Variants in KIF13B observed in about 807,000 individuals in gnomAD.
KIF13B encodes kinesin family member 13B.
KIF13B carries 127 observed loss-of-function variants against 222.0 expected under a neutral mutation model. That is an observed-to-expected ratio of 0.57 (90% confidence interval 0.50 to 0.66). The LOEUF (loss-of-function observed/expected upper bound fraction) is 0.66. KIF13B is among the 30% of genes least tolerant of loss of function. The pLI is 0.00. For synonymous variants in KIF13B, 976 were observed against 919.0 expected (o/e 1.06, Z -1.12); for missense variants, 2,173 against 2,379.0 (o/e 0.91, Z 1.80).
intron 10 of KIF13B, among the ~76,000 whole-genome samples, chr8:29,173,889 G>A (rs1212589301): frequency 1.3e-5 from 2 of 149,066 alleles, no homozygotes; most frequent in Non-Finnish European, 3.0e-5. Context: ...GTTGCAGTGA[G>A]CCGAGACTGC....
chr8:29,246,329 A>G (rs1413891285), intron 1 of KIF13B, among the ~76,000 whole-genome samples: 1 of 151,874 alleles, frequency 6.6e-6, no homozygotes, highest in Non-Finnish European at 1.5e-5. Context: ...GTGAGCTGAG[A>G]TCGTGCCACT....
Position 29,262,963 on chromosome 8 carries a change from G to A in KIF13B, c.55+17C>T, listed in dbSNP as rs999318830. On this transcript the variant is annotated intron_variant, in intron 1 of 39. Transcript: ENST00000524189. ...TGCCGCCTCCGCCCCGGCGGCCCAG[G>A]AGGGCTCGGCTCTCACCTCGCCGGT... 2 of 1,579,406 alleles carry A rather than the reference G, an allele frequency of 1.3e-6. No individual in the cohort carries two copies. The highest frequency in any genetic ancestry group is 1.7e-6 in the Non-Finnish European group (2 of 1,165,422).
chr8:29,258,771 G>A (rs1174785801), intron 1 of KIF13B, among the ~76,000 whole-genome samples: 1 of 152,048 alleles, frequency 6.6e-6, no homozygotes, highest in African/African-American at 2.4e-5. Context: ...AACTCCTCTC[G>A]ATTCCCTTAT....
At chr8:29,263,108 G>C (rs868232493), upstream of KIF13B, 2 of 1,449,898 alleles carry the variant, frequency 1.4e-6, no homozygotes, top group Non-Finnish European at 9.4e-7. Context: ...TTGACCCGGC[G>C]GGAGGGGGCC....
chr8:29,246,747 A>G (rs1189927302), intron 1 of KIF13B, among the ~76,000 whole-genome samples: 2 of 152,246 alleles, frequency 1.3e-5, no homozygotes, highest in African/African-American at 4.8e-5. Flanking sequence ...ACATAAGGAA[A>G]GACATATATA....
Position 29,134,142 on chromosome 8 carries a change from G to C in KIF13B, c.2682C>G (p.Phe894Leu). The C allele has an allele frequency of 1.2e-6, 2 of 1,614,038 alleles. No homozygotes were observed. The highest frequency in any genetic ancestry group is 1.7e-6 in the Non-Finnish European group (2 of 1,179,892). Reference protein sequence around the residue: ...LSHFVFCKYSFWDQQEPVIVA... With the variant: ...LSHFVFCKYSLWDQQEPVIVA... ...CAATCACCGGCTCCTGTTGATCCCA[G>C]AAGCTGTATTTGCAGAACACAAAGT... Residue 894 changes from phenylalanine (F) to leucine (L), a missense_variant, in exon 22 of 40, where the codon TTC becomes TTG. Phe to Leu is a conservative substitution (Grantham distance 22). Transcript: ENST00000524189.
intron 36 of KIF13B, among the ~76,000 whole-genome samples, chr8:29,094,700 C>T (rs1416138500): frequency 6.6e-6 from 1 of 152,068 alleles, no homozygotes; most frequent in Non-Finnish European, 1.5e-5. Context: ...TAAAAATAGA[C>T]CATGAGATGT....
Position 29,116,934 on chromosome 8 carries a change from T to C in KIF13B, c.3734A>G (p.Glu1245Gly), listed in dbSNP as rs1286631144. Residue 1245 changes from glutamate (E) to glycine (G), a missense_variant, in exon 31 of 40, where the codon GAG becomes GGG. By Grantham distance (98) the Glu-to-Gly change is moderately conservative. Coordinates refer to ENST00000524189, the MANE Select transcript of KIF13B (RefSeq NM_015254.4). The part of the protein sequence containing the change: ...PQLSRGTPVD[E>G]RLFLIVRVTV... ...CACGCGCACGATCAGGAACAACCGC[T>C]CGTCCACGGGCGTGCCCCTGCTGAG... 2.5e-6 allele frequency: 4 copies of C among 1,613,118 alleles called. No homozygotes were observed. Among genetic ancestry groups the C allele is most frequent in the African/African-American group, 2.7e-5 (2 of 75,036 alleles).
intron 2 of KIF13B, among the ~76,000 whole-genome samples, chr8:29,240,058 C>T (rs1363382647): frequency 1.4e-5 from 2 of 144,168 alleles, no homozygotes; most frequent in Admixed American, 6.8e-5. Flanking sequence ...AAAGAAAGAA[C>T]AGGAAATTTG....
chr8:29,150,734 T>C (rs1340029923), intron 14 of KIF13B, among the ~76,000 whole-genome samples: 1 of 152,236 alleles, frequency 6.6e-6, no homozygotes. Context: ...AAGGGACCTC[T>C]GACCTCACCT....
chr8:29,109,473 C>G lies in KIF13B; in HGVS notation c.4122G>C (p.Lys1374Asn). 6.2e-7 allele frequency: 1 copy of G among 1,614,012 alleles called. No individual in the cohort carries two copies. Among genetic ancestry groups the G allele is most frequent in the Non-Finnish European group, 8.5e-7 (1 of 1,179,852 alleles). The change falls in exon 34 of 40, where the codon AAG becomes AAC. Residue 1374 changes from lysine (K) to asparagine (N), a missense_variant. Lys to Asn is a moderately conservative substitution (Grantham distance 94). Coordinates refer to ENST00000524189, the MANE Select transcript of KIF13B (RefSeq NM_015254.4). ...AVKEQLTGKG[K>N]LSRRSISSPN... is the part of the protein sequence containing the mutation. ...GAGAACTGATACTCCTCCTGCTCAA[C>G]TTTCCTTTTCCTGTTAACTGTTCCT...
chr8:29,165,639 C>T (rs756671197), intron 12 of KIF13B, 23 bp downstream of exon 12: 1 of 1,487,164 alleles, frequency 6.7e-7, no homozygotes, highest in Non-Finnish European at 9.4e-7. Flanking sequence ...GTTTCATGCG[C>T]TTCATCATCA....
chr8:29,184,255 G>T (rs1245031960), intron 6 of KIF13B, among the ~76,000 whole-genome samples: 1 of 150,962 alleles, frequency 6.6e-6, no homozygotes, highest in Non-Finnish European at 1.5e-5. Context: ...TTTCTCAAAT[G>T]GTCTTTGACT....
At chr8:29,079,892 A>G (rs1185077772) in intron 37 of KIF13B, among the ~76,000 whole-genome samples, 1 of 152,210 alleles carries the variant, frequency 6.6e-6, no homozygotes, top group Admixed American at 6.5e-5. Flanking sequence ...GATATGTAAG[A>G]TTTATTTTTG....
intron 12 of KIF13B, among the ~76,000 whole-genome samples, chr8:29,161,203 C>A (rs189981380): frequency 1.3e-5 from 2 of 152,268 alleles, no homozygotes; most frequent in Non-Finnish European, 2.9e-5. Flanking sequence ...TTTCCTCAAC[C>A]GGGATCCTTC....
In KIF13B at chr8:29,180,160, A is replaced by G; in HGVS notation, c.664T>C (p.Ser222Pro). Residue 222 changes from serine (S) to proline (P), a missense_variant, in exon 8 of 40, where the codon TCC (serine) becomes CCC (proline). Transcript: ENST00000524189. Reference sequence around the variant, plus strand: ...AGGGTGATTTTGAAAACTGCATGGGATCGGCTACTCTCCTCGTTCATGTTG... The same window carrying G: ...AGGGTGATTTTGAAAACTGCATGGGGTCGGCTACTCTCCTCGTTCATGTTG... ...ATNMNEESSR[S>P]HAVFKITLTH... The G allele has an allele frequency of 1.9e-6, 3 of 1,614,026 alleles. No homozygotes were observed. Among genetic ancestry groups the G allele is most frequent in the Non-Finnish European group, 2.5e-6 (3 of 1,179,884 alleles).
chr8:29,236,519 T>C (rs189676188), intron 2 of KIF13B, among the ~76,000 whole-genome samples: 42 of 152,342 alleles, frequency 2.8e-4, no homozygotes, highest in African/African-American at 9.6e-4. Flanking sequence ...TATTCGATGA[T>C]CTTTACATAA....
chr8:29,196,080 A>G, intron 3 of KIF13B, 107 bp downstream of exon 3: 1 of 1,006,558 alleles, frequency 9.9e-7, no homozygotes, highest in Non-Finnish European at 1.5e-6. Flanking sequence ...CATTACTTGT[A>G]CAAAATGATA....
intron 2 of KIF13B, among the ~76,000 whole-genome samples, chr8:29,209,592 C>T (rs1022907501): frequency 1.1e-4 from 16 of 152,196 alleles, no homozygotes; most frequent in Non-Finnish European, 2.1e-4. Context: ...CCTCTCCAGG[C>T]AGGGTGTGAC....
Sources: gnomAD v4.1 joint callset for allele counts (sites outside exome capture counted in the v4.1 genomes callset) on GRCh38, gnomAD v4.1.1 for gene constraint, MANE v1.5 for transcripts, NCBI Gene and HGNC (gene_info 2026-07-23, HGNC 2026-07-21) for gene names.